Variants in ZHX2 observed in about 807,000 individuals in gnomAD.
ZHX2 encodes zinc fingers and homeoboxes 2.
Under a neutral mutation model 21.9 loss-of-function variants are expected in ZHX2, and 6 were observed. That is an observed-to-expected ratio of 0.27 (90% CI 0.15 to 0.54). The LOEUF is 0.54. Ranked by LOEUF, ZHX2 falls within the 20% of genes least tolerant of loss-of-function variation. ZHX2 has a pLI of 0.95. For missense variants in ZHX2, 908 were observed against 1,090.7 expected (o/e 0.83, Z 2.36); for synonymous variants, 434 against 437.1 (o/e 0.99, Z 0.09).
At chr8:122,787,856 C>A (rs1400263631) in intron 1 of ZHX2, among the ~76,000 whole-genome samples, 2 of 152,168 alleles carry the variant, frequency 1.3e-5, no homozygotes, top group Admixed American at 1.3e-4. Context: ...TGAGGAAGGA[C>A]CACAAGTCTA....
intron 3 of ZHX2, among the ~76,000 whole-genome samples, chr8:122,955,839 ATTTTTTT>A (rs540333833): frequency 9.5e-6 from 1 of 104,924 alleles, no homozygotes; most frequent in Non-Finnish European, 1.8e-5. Flanking sequence ...TGAGGGAGTG[ATTTTTTT>A]TTTTTTTTTT....
At chr8:122,854,251 G>A (rs1818974176) in intron 1 of ZHX2, among the ~76,000 whole-genome samples, 1 of 152,178 alleles carries the variant, frequency 6.6e-6, no homozygotes, top group Non-Finnish European at 1.5e-5. Context: ...CCCCACACTT[G>A]GATTCAAATC....
chr8:122,845,876 T>C (rs1433663431), intron 1 of ZHX2, among the ~76,000 whole-genome samples: 1 of 152,194 alleles, frequency 6.6e-6, no homozygotes, highest in Non-Finnish European at 1.5e-5. Flanking sequence ...CCTGGAGGAC[T>C]TGGTAGAGCA....
At chr8:122,873,975 A>T (rs1819507249) in intron 2 of ZHX2, among the ~76,000 whole-genome samples, 1 of 152,190 alleles carries the variant, frequency 6.6e-6, no homozygotes, top group African/African-American at 2.4e-5. Flanking sequence ...GACTCTTATG[A>T]TTACCTTGTG....
chr8:122,954,746 T>A (rs1478681637), intron 3 of ZHX2, among the ~76,000 whole-genome samples: 2 of 152,180 alleles, frequency 1.3e-5, no homozygotes, highest in Non-Finnish European at 2.9e-5. Context: ...TTCAGGCCTG[T>A]CCATTCTGAA....
At position 122,803,239 on chromosome 8, in the gene ZHX2, G is replaced by A. The variant is rs140978591; in HGVS notation, c.-283+21293G>A. Among the ~76,000 whole-genome samples the A allele has an allele frequency of 1.8e-3, 275 of 152,278 alleles. 1 individual carries two copies. Among genetic ancestry groups the A allele is most frequent in the African/African-American group, 6.4e-3 (265 of 41,560 alleles). On this transcript the variant is annotated intron_variant, in intron 1 of 3. Coordinates refer to ENST00000314393, the MANE Select transcript of ZHX2 (RefSeq NM_014943.5). ...CCCCACTGAGGTAGTAGTGGTGTGAGCCAGGCTTGGCAGTGTCACTATGTG... is the reference window on the plus strand; with the variant it reads ...CCCCACTGAGGTAGTAGTGGTGTGAACCAGGCTTGGCAGTGTCACTATGTG...
At chr8:122,917,632 A>C (rs1158140523) in intron 2 of ZHX2, among the ~76,000 whole-genome samples, 1 of 152,232 alleles carries the variant, frequency 6.6e-6, no homozygotes, top group African/African-American at 2.4e-5. Flanking sequence ...ATAAGGCCGC[A>C]GTCAGAACTG....
intron 2 of ZHX2, among the ~76,000 whole-genome samples, chr8:122,908,934 T>C (rs1227002000): frequency 6.6e-6 from 1 of 152,184 alleles, no homozygotes; most frequent in Non-Finnish European, 1.5e-5. Flanking sequence ...GGTGGATACA[T>C]TACCTTTTCA....
Position 122,953,729 on chromosome 8 carries a change from A to G in ZHX2, c.2219A>G (p.Glu740Gly). The change falls in exon 3 of 4, where the codon GAG becomes GGG. Residue 740 changes from glutamate (E) to glycine (G), a missense_variant. By Grantham distance (98) the Glu-to-Gly change is moderately conservative (BLOSUM62 -2). Around this residue, in one of 4 missense-constraint regions of ZHX2, gnomAD observed 431 missense variants for 428.6 expected, o/e 1.01. Transcript: ENST00000314393. The surrounding 1 kb of genome is among the most constrained non-coding windows in gnomAD (Gnocchi z 4.6). ...AAGGACCCCAAAAAGCTCTGCGAAG[A>G]GGACTTGGAGAAGTTGGTGACCAGG... ...YYKDPKKLCE[E>G]DLEKLVTRVK... The G allele has an allele frequency of 6.2e-7, 1 of 1,614,260 alleles. No individual in the cohort carries two copies.
At chr8:122,824,830 G>A (rs981918094) in intron 1 of ZHX2, among the ~76,000 whole-genome samples, 3 of 152,210 alleles carry the variant, frequency 2.0e-5, no homozygotes, top group African/African-American at 7.2e-5. Flanking sequence ...GTGTTGGCAG[G>A]GCTGTTCCTT....
chr8:122,877,889 G>A (rs1819608003), intron 2 of ZHX2, among the ~76,000 whole-genome samples: 1 of 152,128 alleles, frequency 6.6e-6, no homozygotes. Context: ...GGTACCAAGT[G>A]GGAGCTTGTC....
At chr8:122,958,911 T>A (rs1000278910) in intron 3 of ZHX2, among the ~76,000 whole-genome samples, 1 of 152,080 alleles carries the variant, frequency 6.6e-6, no homozygotes, top group Non-Finnish European at 1.5e-5. Context: ...CTACCTAATC[T>A]CAGTTAATAA....
intron 1 of ZHX2, among the ~76,000 whole-genome samples, chr8:122,840,418 G>A (rs1273060753): frequency 6.6e-6 from 1 of 152,122 alleles, no homozygotes; most frequent in South Asian, 2.1e-4. Flanking sequence ...ACTTCTCTGT[G>A]CATCAATTTG....
At chr8:122,829,066 G>A (rs926153082) in intron 1 of ZHX2, among the ~76,000 whole-genome samples, 10 of 152,134 alleles carry the variant, frequency 6.6e-5, no homozygotes, top group Non-Finnish European at 1.0e-4. Flanking sequence ...AATAGTAAGG[G>A]TAGCTGCTTG....
intron 2 of ZHX2, among the ~76,000 whole-genome samples, chr8:122,879,051 AG>A (rs1819636703): frequency 6.6e-6 from 1 of 152,110 alleles, no homozygotes; most frequent in Admixed American, 6.5e-5. Context: ...GCTTCTCCTA[AG>A]CTGTTTCCCT....
chr8:122,870,112 G>A (rs935226697), intron 2 of ZHX2, among the ~76,000 whole-genome samples: 3 of 152,144 alleles, frequency 2.0e-5, no homozygotes, highest in Non-Finnish European at 4.4e-5. Context: ...GGTGGCAGAG[G>A]TGGACAAAGC....
rs1012301267 is a variant in ZHX2, at chr8:122,953,416, A to T, written c.1906A>T (p.Ser636Cys). 1.2e-6 allele frequency: 2 copies of T among 1,614,208 alleles called. No individual in the cohort carries two copies. The highest frequency in any genetic ancestry group is 1.7e-6 in the Non-Finnish European group (2 of 1,180,050). ...CAGCCCTTCGCCAGCAATTGCAAAA[A>T]GTCAAGAACAGGTTCATCTCCTGAG... ...LPSPSPAIAK[S>C]QEQVHLLRST... Residue 636 changes from serine to cysteine, a missense_variant, in exon 3 of 4, where the codon AGT becomes TGT. Physicochemically the swap from Ser to Cys is moderately radical, Grantham distance 112. Around this residue, in one of 4 missense-constraint regions of ZHX2, gnomAD observed 431 missense variants for 428.6 expected, o/e 1.01. Transcript: ENST00000314393. This position sits in a 1 kb window ranked among gnomAD's most constrained non-coding sequence, Gnocchi z 4.6.
intron 1 of ZHX2, among the ~76,000 whole-genome samples, chr8:122,859,218 G>A (rs1819104926): frequency 2.0e-5 from 3 of 152,192 alleles, no homozygotes; most frequent in African/African-American, 4.8e-5. Flanking sequence ...GGTCTAGCGG[G>A]GTGATGGTGC....
At chr8:122,937,536 A>C (rs1812727769) in intron 2 of ZHX2, among the ~76,000 whole-genome samples, 1 of 151,950 alleles carries the variant, frequency 6.6e-6, no homozygotes, top group Non-Finnish European at 1.5e-5. Context: ...CCTGGTGGGG[A>C]TAAGTGAGTA....
Sources: gnomAD v4.1 joint callset for allele counts (sites outside exome capture counted in the v4.1 genomes callset) on GRCh38, gnomAD v4.1.1 for gene constraint, gnomAD v4.1.1 regional missense constraint, Gnocchi (gnomAD v3.1) non-coding constraint, MANE v1.5 for transcripts, NCBI Gene and HGNC (gene_info 2026-07-23, HGNC 2026-07-21) for gene names.